KDM4C: variants seen among roughly 807,000 people sequenced by gnomAD.
KDM4C encodes the protein lysine demethylase 4C.
KDM4C carries 81 observed loss-of-function variants against 129.3 expected under a neutral mutation model. The ratio of observed to expected loss-of-function variants is 0.63; its 90% CI spans 0.52 to 0.75. The LOEUF is 0.75. KDM4C is among the 30% of genes least tolerant of loss of function. The pLI is 0.00. For missense variants in KDM4C, 1,457 were observed against 1,304.0 expected, an observed-to-expected ratio of 1.12 and a Z score of -1.81; for synonymous variants, 573 against 456.1, an observed-to-expected ratio of 1.26 and a Z score of -3.26.
rs565530762 is a variant in KDM4C at position 6,930,095 on chromosome 9, T to A, written c.921+36863T>A. Reference sequence around the variant, plus strand: ...AGTTTGGCAGAGGAGAAAGACACACTCCTTGGTGCTATGCTAAGTGTCTCT... The same window carrying A: ...AGTTTGGCAGAGGAGAAAGACACACACCTTGGTGCTATGCTAAGTGTCTCT... On this transcript the variant is annotated intron_variant, in intron 8 of 21. Transcript: ENST00000381309. 2.8e-4 allele frequency among the ~76,000 whole-genome samples: 42 copies of A among 152,304 alleles called. 1 individual carries two copies. The highest frequency in any genetic ancestry group is 5.1e-4 in the Non-Finnish European group (35 of 68,036).
chr9:6,939,911 C>T (rs1440146046), intron 8 of KDM4C, among the ~76,000 whole-genome samples: 2 of 151,982 alleles, frequency 1.3e-5, no homozygotes, highest in Non-Finnish European at 2.9e-5. Context: ...TGGGTAGAAA[C>T]CACTTTTTAT....
At chr9:6,935,063 A>G (rs1254583505) in intron 8 of KDM4C, among the ~76,000 whole-genome samples, 1 of 152,128 alleles carries the variant, frequency 6.6e-6, no homozygotes, top group Non-Finnish European at 1.5e-5. Flanking sequence ...TTTTCCAGAA[A>G]TTTATTAAAT....
chr9:6,958,520 G>C (rs1016401132), intron 8 of KDM4C, among the ~76,000 whole-genome samples: 3 of 151,890 alleles, frequency 2.0e-5, no homozygotes, highest in African/African-American at 7.3e-5. Flanking sequence ...CAGGGAGGCA[G>C]AGGTTGTGGT....
intron 16 of KDM4C, among the ~76,000 whole-genome samples, chr9:7,048,392 T>C (rs1007328854): frequency 1.1e-4 from 16 of 152,098 alleles, no homozygotes; most frequent in African/African-American, 3.9e-4. Flanking sequence ...GATTTGACAA[T>C]TCTTTCAAGA....
intron 18 of KDM4C, among the ~76,000 whole-genome samples, chr9:7,111,816 C>A (rs909020071): frequency 2.0e-5 from 3 of 152,048 alleles, no homozygotes; most frequent in African/African-American, 7.3e-5. Context: ...TTTTATATAT[C>A]CCTGAATTAA....
intron 8 of KDM4C, among the ~76,000 whole-genome samples, chr9:6,909,705 T>C (rs1264114552): frequency 6.6e-6 from 1 of 152,224 alleles, no homozygotes; most frequent in East Asian, 1.9e-4. Context: ...TATACACTTA[T>C]TTTGAAGTCT....
chr9:6,890,239 G>T (rs191307540), intron 7 of KDM4C, among the ~76,000 whole-genome samples: 1 of 152,132 alleles, frequency 6.6e-6, no homozygotes, highest in Non-Finnish European at 1.5e-5. Context: ...TGATTCAGTC[G>T]CATAATCTTT....
At chr9:7,085,538 T>C (rs1835013302) in intron 17 of KDM4C, among the ~76,000 whole-genome samples, 1 of 152,132 alleles carries the variant, frequency 6.6e-6, no homozygotes, top group African/African-American at 2.4e-5. Context: ...CTGGAACAGC[T>C]CTGGTCTAGG....
At chr9:6,998,826 A>G (rs1215985579) in intron 12 of KDM4C, among the ~76,000 whole-genome samples, 1 of 152,096 alleles carries the variant, frequency 6.6e-6, no homozygotes, top group Non-Finnish European at 1.5e-5. Flanking sequence ...CAAACAAACA[A>G]CAACAACAAC....
intron 8 of KDM4C, among the ~76,000 whole-genome samples, chr9:6,907,807 C>G (rs567519545): frequency 6.6e-6 from 1 of 152,244 alleles, no homozygotes; most frequent in East Asian, 1.9e-4. Flanking sequence ...TAAAAACAGC[C>G]TGAAATTTTG....
chr9:7,136,051 G>A (rs1243637372), intron 19 of KDM4C, among the ~76,000 whole-genome samples: 1 of 152,250 alleles, frequency 6.6e-6, no homozygotes, highest in East Asian at 1.9e-4. Context: ...TGATGGGCCA[G>A]AGTGTTTAAA....
chr9:6,853,594 C>T (rs944288720), intron 5 of KDM4C, among the ~76,000 whole-genome samples: 1 of 152,190 alleles, frequency 6.6e-6, no homozygotes, highest in Non-Finnish European at 1.5e-5. Context: ...TTTCTAGCTA[C>T]CGTGTGTGGC....
At chr9:7,135,085 C>T (rs1841048180) in intron 19 of KDM4C, among the ~76,000 whole-genome samples, 1 of 152,108 alleles carries the variant, frequency 6.6e-6, no homozygotes. Flanking sequence ...CATCTTGTTC[C>T]TTTGTTTTAC....
intron 17 of KDM4C, among the ~76,000 whole-genome samples, chr9:7,098,486 G>C (rs1206911494): frequency 6.6e-6 from 1 of 152,200 alleles, no homozygotes; most frequent in Non-Finnish European, 1.5e-5. Context: ...TTTTGGGGAA[G>C]AGAGACAGAG....
At chr9:6,989,333 C>G (rs1818320403) in intron 11 of KDM4C, among the ~76,000 whole-genome samples, 1 of 152,104 alleles carries the variant, frequency 6.6e-6, no homozygotes, top group African/African-American at 2.4e-5. Context: ...ATAGTCAACT[C>G]TTGATGTAAG....
intron 6 of KDM4C, among the ~76,000 whole-genome samples, chr9:6,882,332 T>C (rs1844583177): frequency 6.6e-6 from 1 of 152,222 alleles, no homozygotes; most frequent in Admixed American, 6.5e-5. Context: ...GAATGACAGT[T>C]TGGAAGATTT....
chr9:6,926,713 TTC>T (rs1822627786), intron 8 of KDM4C, among the ~76,000 whole-genome samples: 1 of 152,176 alleles, frequency 6.6e-6, no homozygotes, highest in Admixed American at 6.5e-5. Flanking sequence ...GAAACGGACA[TTC>T]AGAAATCCAG....
At chr9:7,100,308 T>C (rs1564116652) in intron 17 of KDM4C, among the ~76,000 whole-genome samples, 1 of 152,164 alleles carries the variant, frequency 6.6e-6, no homozygotes, top group Non-Finnish European at 1.5e-5. Flanking sequence ...TAACCTACAG[T>C]AGTGTTTATC....
intron 17 of KDM4C, among the ~76,000 whole-genome samples, chr9:7,095,756 G>C (rs1836357429): frequency 6.6e-6 from 1 of 152,140 alleles, no homozygotes; most frequent in African/African-American, 2.4e-5. Flanking sequence ...TTATAGGGTG[G>C]AGAGCATACA....
Sources: allele counts gnomAD v4.1 joint callset (sites outside exome capture counted in the v4.1 genomes callset), GRCh38; gene constraint gnomAD v4.1.1; transcripts MANE v1.5; gene names NCBI Gene and HGNC (gene_info 2026-07-23, HGNC 2026-07-21).